Variants in CADM2 observed in about 807,000 individuals in gnomAD.
CADM2 encodes immunoglobulin superfamily member 4D.
Under a neutral mutation model 49.8 loss-of-function variants are expected in CADM2, and 12 were observed. The ratio of observed to expected loss-of-function variants is 0.24; its 90% confidence interval spans 0.15 to 0.39. The LOEUF is 0.39. Ranked by LOEUF, CADM2 falls within the 10% of genes least tolerant of loss-of-function variation. The probability of loss-of-function intolerance (pLI) is 1.00; values close to 1 mark genes in which losing one functional copy is unlikely to be tolerated. For synonymous variants in CADM2, 214 were observed against 175.4 expected (o/e 1.22, Z -1.74); for missense variants, 378 against 492.3 (o/e 0.77, Z 2.20).
chr3:85,803,719 A>G (rs373384042), intron 3 of CADM2, among the ~76,000 whole-genome samples: 17 of 152,064 alleles, frequency 1.1e-4, no homozygotes, highest in African/African-American at 3.9e-4. Context: ...AGACTTTCTC[A>G]TAAGGCCTTC....
intron 1 of CADM2, among the ~76,000 whole-genome samples, chr3:85,615,245 G>A (rs2063770517): frequency 6.6e-6 from 1 of 151,748 alleles, no homozygotes; most frequent in South Asian, 2.1e-4. Context: ...AGAAAAGAAA[G>A]AAAGAGAAAG....
chr3:85,547,106 T>TAC (rs1478722788), intron 1 of CADM2, among the ~76,000 whole-genome samples: 1 of 151,944 alleles, frequency 6.6e-6, no homozygotes, highest in Non-Finnish European at 1.5e-5. Flanking sequence ...TATATATATA[T>TAC]ACATCAAAAT....
chr3:84,962,722 T>C (rs1049137264), intron 1 of CADM2, among the ~76,000 whole-genome samples: 1 of 152,148 alleles, frequency 6.6e-6, no homozygotes, highest in African/African-American at 2.4e-5. Context: ...ATCAGCACTA[T>C]AGTGATATTC....
intron 3 of CADM2, among the ~76,000 whole-genome samples, chr3:85,832,818 C>T (rs1039482890): frequency 6.6e-6 from 1 of 151,800 alleles, no homozygotes; most frequent in African/African-American, 2.4e-5. Context: ...CCTGAGTGCT[C>T]CGGCTAGGAA....
At chr3:85,295,541 C>A (rs1429736470) in intron 1 of CADM2, among the ~76,000 whole-genome samples, 1 of 151,894 alleles carries the variant, frequency 6.6e-6, no homozygotes, top group African/African-American at 2.4e-5. Flanking sequence ...GGAACCAACC[C>A]AAATATCCAA....
At chr3:85,157,258 T>C (rs2040159759) in intron 1 of CADM2, among the ~76,000 whole-genome samples, 1 of 151,196 alleles carries the variant, frequency 6.6e-6, no homozygotes, top group South Asian at 2.1e-4. Context: ...AAAATGGCCA[T>C]ACTGCCCAAA....
chr3:85,703,532 AG>A (rs2066848156), intron 1 of CADM2, among the ~76,000 whole-genome samples: 1 of 152,160 alleles, frequency 6.6e-6, no homozygotes, highest in Non-Finnish European at 1.5e-5. Flanking sequence ...TCATAACCGT[AG>A]AGTGGGGCAG....
intron 1 of CADM2, among the ~76,000 whole-genome samples, chr3:84,969,676 T>C (rs564409966): frequency 2.6e-5 from 4 of 152,022 alleles, no homozygotes; most frequent in South Asian, 2.1e-4. Context: ...TGACTTTTCA[T>C]TTATATGTAA....
At chr3:85,186,500 A>G (rs1265570000) in intron 1 of CADM2, among the ~76,000 whole-genome samples, 1 of 152,116 alleles carries the variant, frequency 6.6e-6, no homozygotes, top group Non-Finnish European at 1.5e-5. Context: ...CTTTTGTTAT[A>G]CTCATTATAA....
At chr3:85,603,350 C>G (rs946785108) in intron 1 of CADM2, among the ~76,000 whole-genome samples, 1 of 151,826 alleles carries the variant, frequency 6.6e-6, no homozygotes, top group African/African-American at 2.4e-5. Context: ...ACCAGTTTAA[C>G]TACTTAACTT....
intron 1 of CADM2, among the ~76,000 whole-genome samples, chr3:85,316,196 A>C (rs2107077288): frequency 6.6e-6 from 1 of 152,312 alleles, no homozygotes; most frequent in South Asian, 2.1e-4. Context: ...TTTCCTTCAA[A>C]TATTTCATGT....
At chr3:85,086,120 T>C (rs1288173676) in intron 1 of CADM2, among the ~76,000 whole-genome samples, 8 of 152,018 alleles carry the variant, frequency 5.3e-5, no homozygotes. Context: ...GTAAGAAAAA[T>C]ACCAACACAT....
At chr3:85,505,776 A>G (rs545011437) in intron 1 of CADM2, among the ~76,000 whole-genome samples, 63 of 152,328 alleles carry the variant, frequency 4.1e-4, no homozygotes, top group African/African-American at 1.4e-3. Context: ...TAAATATTGG[A>G]AACATTAAGA....
intron 8 of CADM2, among the ~76,000 whole-genome samples, chr3:85,995,572 T>C (rs1001959379): frequency 6.6e-6 from 1 of 152,154 alleles, no homozygotes. Context: ...GTATTCTAAG[T>C]GAAGAAATGG....
intron 3 of CADM2, among the ~76,000 whole-genome samples, chr3:85,850,015 A>G (rs941711931): frequency 1.3e-5 from 2 of 152,230 alleles, no homozygotes; most frequent in African/African-American, 4.8e-5. Context: ...ATTGGTAAAA[A>G]GGAATGAAAA....
intron 1 of CADM2, among the ~76,000 whole-genome samples, chr3:85,481,229 G>GATATAC (rs2039196189): frequency 6.9e-6 from 1 of 144,950 alleles, no homozygotes; most frequent in South Asian, 2.1e-4. Flanking sequence ...ATATATATTG[G>GATATAC]ATATATATAT....
intron 3 of CADM2, among the ~76,000 whole-genome samples, chr3:85,821,885 A>C (rs1384954271): frequency 1.3e-5 from 2 of 152,220 alleles, no homozygotes; most frequent in African/African-American, 4.8e-5. Context: ...AACATAAAAA[A>C]TAAAAATGTA....
chr3:85,107,055 T>G (rs967694213), intron 1 of CADM2, among the ~76,000 whole-genome samples: 4 of 152,088 alleles, frequency 2.6e-5, no homozygotes, highest in Non-Finnish European at 2.9e-5. Context: ...AGATAACAAC[T>G]GATTGTCACA....
At chr3:85,097,884 G>A (rs183288501) in intron 1 of CADM2, among the ~76,000 whole-genome samples, 5 of 152,118 alleles carry the variant, frequency 3.3e-5, no homozygotes, top group Admixed American at 1.3e-4. Context: ...TTTACTTTCC[G>A]TCAGAATCAG....
Sources: allele counts gnomAD v4.1 joint callset (sites outside exome capture counted in the v4.1 genomes callset), GRCh38; gene constraint gnomAD v4.1.1; transcripts MANE v1.5; gene names NCBI Gene and HGNC (gene_info 2026-07-23, HGNC 2026-07-21).